DPP10: variants seen among roughly 807,000 people sequenced by gnomAD.
DPP10 encodes the protein inactive dipeptidyl peptidase 10.
In DPP10, 33 loss-of-function variants were observed where a neutral mutation model predicts 120.9. The observed-to-expected ratio is 0.27, with a 90% CI of 0.21 to 0.37. DPP10 has a LOEUF of 0.37. Among genes scored for constraint, DPP10 ranks in the 10% least tolerant of loss-of-function variants. The probability of loss-of-function intolerance (pLI) is 1.00; values close to 1 mark genes in which losing one functional copy is unlikely to be tolerated. For synonymous variants in DPP10, 337 were observed against 326.1 expected (o/e 1.03, Z -0.36); for missense variants, 816 against 942.8 (o/e 0.87, Z 1.76).
rs376706791 is a variant in DPP10 at position 114,908,209 on chromosome 2, T to C, written c.61-401030T>C. Among the ~76,000 whole-genome samples, 44 of 152,152 alleles carry C rather than the reference T, an allele frequency of 2.9e-4. 1 individual carries two copies. The highest frequency in any genetic ancestry group is 1.0e-3 in the African/African-American group (42 of 41,564). ...TAGTTGTATCTTTGAATCTAAAGCA[T>C]ATCTCCCTTCCAAAGTGTATAATTG... On this transcript the variant is annotated intron_variant, in intron 1 of 25. Transcript: ENST00000410059.
intron 1 of DPP10, among the ~76,000 whole-genome samples, chr2:115,038,658 A>G (rs1335719983): frequency 2.6e-5 from 4 of 152,178 alleles, no homozygotes; most frequent in East Asian, 1.9e-4. Context: ...AATATTTACT[A>G]ACCACTTTTA....
intron 3 of DPP10, among the ~76,000 whole-genome samples, chr2:115,498,273 T>C (rs1259785784): frequency 6.6e-6 from 1 of 151,944 alleles, no homozygotes; most frequent in African/African-American, 2.4e-5. Context: ...GAAAACAAAC[T>C]TCAGCTTTGC....
intron 1 of DPP10, among the ~76,000 whole-genome samples, chr2:115,290,292 A>G (rs1193847994): frequency 1.3e-5 from 2 of 152,154 alleles, no homozygotes; most frequent in Non-Finnish European, 1.5e-5. Context: ...CTTGAAATGC[A>G]TCCAAAATTA....
chr2:115,657,583 A>T (rs918912908), intron 5 of DPP10, among the ~76,000 whole-genome samples: 3 of 151,766 alleles, frequency 2.0e-5, no homozygotes, highest in African/African-American at 7.2e-5. Flanking sequence ...ATCTTCTTCT[A>T]ATGCTCAACC....
intron 1 of DPP10, among the ~76,000 whole-genome samples, chr2:114,656,805 A>G (rs966738051): frequency 6.6e-6 from 1 of 152,188 alleles, no homozygotes; most frequent in Non-Finnish European, 1.5e-5. Context: ...CTCTCAGGAG[A>G]GCTTAATTCT....
intron 1 of DPP10, among the ~76,000 whole-genome samples, chr2:115,015,045 C>CA (rs57043547): frequency 6.6e-6 from 1 of 151,878 alleles, no homozygotes; most frequent in African/African-American, 2.4e-5. Flanking sequence ...AGAGAAACAA[C>CA]AAAAAAAGAA....
chr2:115,331,590 A>G (rs2062739496), intron 2 of DPP10, among the ~76,000 whole-genome samples: 2 of 152,188 alleles, frequency 1.3e-5, no homozygotes, highest in African/African-American at 2.4e-5. Flanking sequence ...ATTTTGAGAT[A>G]TGTCCCATCA....
intron 1 of DPP10, among the ~76,000 whole-genome samples, chr2:114,651,000 A>C (rs1424437492): frequency 6.6e-6 from 1 of 152,152 alleles, no homozygotes; most frequent in Non-Finnish European, 1.5e-5. Flanking sequence ...TAGGGAGCTT[A>C]GAGTGACATT....
At chr2:115,156,874 T>G (rs1431034084) in intron 1 of DPP10, among the ~76,000 whole-genome samples, 1 of 152,180 alleles carries the variant, frequency 6.6e-6, no homozygotes, top group Non-Finnish European at 1.5e-5. Flanking sequence ...AAAACTTTAT[T>G]TTATTTCTAA....
chr2:115,717,379 T>TA (rs879685240), intron 7 of DPP10, among the ~76,000 whole-genome samples: 1 of 151,758 alleles, frequency 6.6e-6, no homozygotes, highest in Non-Finnish European at 1.5e-5. Context: ...TAAAGTATAA[T>TA]AAAAAATAAA....
intron 1 of DPP10, among the ~76,000 whole-genome samples, chr2:115,054,744 C>G (rs1434312632): frequency 6.6e-6 from 1 of 152,090 alleles, no homozygotes; most frequent in African/African-American, 2.4e-5. Context: ...AACCCAGTCT[C>G]TACTAAAAAT....
chr2:115,007,573 C>T (rs1701948509), intron 1 of DPP10, among the ~76,000 whole-genome samples: 3 of 149,118 alleles, frequency 2.0e-5, no homozygotes, highest in South Asian at 2.1e-4. Flanking sequence ...GAAGTTCTGG[C>T]CAGGGCAATT....
intron 21 of DPP10, among the ~76,000 whole-genome samples, chr2:115,833,435 T>A (rs1231313591): frequency 6.6e-6 from 1 of 152,178 alleles, no homozygotes; most frequent in African/African-American, 2.4e-5. Flanking sequence ...CGCCCATCTT[T>A]ATGACAGAGA....
chr2:115,329,039 T>C (rs1466077193), intron 2 of DPP10, among the ~76,000 whole-genome samples: 2 of 152,164 alleles, frequency 1.3e-5, no homozygotes, highest in East Asian at 1.9e-4. Flanking sequence ...GCATTGTAGG[T>C]GGTAAACTTC....
chr2:114,715,526 T>C (rs1179286872), intron 1 of DPP10, among the ~76,000 whole-genome samples: 1 of 152,104 alleles, frequency 6.6e-6, no homozygotes, highest in Non-Finnish European at 1.5e-5. Flanking sequence ...TAAGACCTTT[T>C]ACTACAAATA....
At chr2:115,256,573 T>C (rs1289363242) in intron 1 of DPP10, among the ~76,000 whole-genome samples, 1 of 152,146 alleles carries the variant, frequency 6.6e-6, no homozygotes, top group Non-Finnish European at 1.5e-5. Flanking sequence ...ATGAAAACAT[T>C]TTTTCTCCTA....
intron 3 of DPP10, among the ~76,000 whole-genome samples, chr2:115,416,580 A>C (rs2069451766): frequency 6.6e-6 from 1 of 152,186 alleles, no homozygotes; most frequent in East Asian, 1.9e-4. Flanking sequence ...TCAAGTTCTT[A>C]ACTACTAAAT....
intron 1 of DPP10, among the ~76,000 whole-genome samples, chr2:114,487,403 G>C (rs1427261787): frequency 6.6e-6 from 1 of 152,128 alleles, no homozygotes; most frequent in East Asian, 1.9e-4. Flanking sequence ...TAAATCTGGT[G>C]ACTTCAATTT....
intron 5 of DPP10, among the ~76,000 whole-genome samples, chr2:115,543,737 C>T (rs190864898): frequency 3.9e-5 from 6 of 152,046 alleles, no homozygotes; most frequent in African/African-American, 1.4e-4. Flanking sequence ...AAACACAAGT[C>T]ATTGCTTTTG....
Sources: gnomAD v4.1 joint callset for allele counts (sites outside exome capture counted in the v4.1 genomes callset) on GRCh38, gnomAD v4.1.1 for gene constraint, MANE v1.5 for transcripts, NCBI Gene and HGNC (gene_info 2026-07-23, HGNC 2026-07-21) for gene names.